ANKRD11: variants seen among roughly 807,000 people sequenced by gnomAD.
The protein encoded by ANKRD11 is ankyrin repeat domain-containing protein 11.
ANKRD11 carries 17 observed loss-of-function variants against 195.7 expected under a neutral mutation model. The observed-to-expected ratio is 0.09, with a 90% CI of 0.06 to 0.13. The LOEUF (loss-of-function observed/expected upper bound fraction) is 0.13, where lower values mean the gene tolerates loss of function less well. Among genes scored for constraint, ANKRD11 ranks in the 10% least tolerant of loss-of-function variants. The probability of loss-of-function intolerance (pLI) is 1.00; values close to 1 mark genes in which losing one functional copy is unlikely to be tolerated. For missense variants in ANKRD11, 3,735 were observed against 3,566.1 expected (o/e 1.05, Z -1.21); for synonymous variants, 1,953 against 1,528.1 (o/e 1.28, Z -6.49).
At chr16:89,480,449 C>G (rs1341044898) in intron 1 of ANKRD11, among the ~76,000 whole-genome samples, 1 of 151,748 alleles carries the variant, frequency 6.6e-6, no homozygotes, top group Non-Finnish European at 1.5e-5. Flanking sequence ...TGCACTCCAG[C>G]CTGGGCGACA....
intron 1 of ANKRD11, 50 bp from the exon 2 acceptor site, chr16:89,418,418 A>G: frequency 2.4e-6 from 1 of 421,116 alleles, no homozygotes; most frequent in South Asian, 1.6e-5. Flanking sequence ...TTTCAGCCTC[A>G]GTTCTTTCAT....
At chr16:89,278,650 G>A (rs778637227) in intron 9 of ANKRD11, 5 of 464,518 alleles carry the variant, frequency 1.1e-5, no homozygotes, top group Non-Finnish European at 1.7e-5. Context: ...GTGCAGGTAT[G>A]GAGGCTCAGG....
intron 2 of ANKRD11, among the ~76,000 whole-genome samples, chr16:89,329,941 G>C (rs759615120): frequency 6.6e-6 from 1 of 151,714 alleles, no homozygotes; most frequent in Non-Finnish European, 1.5e-5. Context: ...CGTGAGCAGA[G>C]ATCACACCAC....
chr16:89,369,868 C>T (rs1387815106), intron 2 of ANKRD11, among the ~76,000 whole-genome samples: 1 of 152,218 alleles, frequency 6.6e-6, no homozygotes, highest in Non-Finnish European at 1.5e-5. Flanking sequence ...CAAGGGACTG[C>T]TCCCTGTTCT....
At chr16:89,424,441 C>CA (rs35809345) in intron 1 of ANKRD11, among the ~76,000 whole-genome samples, 81,329 of 142,236 alleles carry the variant, frequency 0.57, 22,785 homozygotes, top group Middle Eastern at 0.74. Context: ...AACTCTGTCT[C>CA]AAAAAAAAAA....
At chr16:89,302,494 G>A (rs1461893048) in intron 4 of ANKRD11, among the ~76,000 whole-genome samples, 6 of 152,096 alleles carry the variant, frequency 3.9e-5, no homozygotes, top group Admixed American at 3.3e-4. Flanking sequence ...CTTGTGATCT[G>A]CCCGCCTCGG....
chr16:89,408,659 C>A (rs534022840), intron 2 of ANKRD11, among the ~76,000 whole-genome samples: 19 of 152,184 alleles, frequency 1.2e-4, no homozygotes, highest in South Asian at 1.2e-3. Flanking sequence ...CCTCCTCGCA[C>A]CCCCTGCCAC....
intron 2 of ANKRD11, among the ~76,000 whole-genome samples, chr16:89,332,925 T>C (rs1427874937): frequency 1.3e-5 from 2 of 152,218 alleles, no homozygotes; most frequent in Non-Finnish European, 2.9e-5. Context: ...AGAACGTAGT[T>C]ACAAACTCAA....
chr16:89,479,650 T>C (rs2057376796), intron 1 of ANKRD11, among the ~76,000 whole-genome samples: 1 of 135,738 alleles, frequency 7.4e-6, no homozygotes, highest in Admixed American at 7.4e-5. Context: ...AAAATTAAAT[T>C]AAATTTTAAA....
At chr16:89,464,762 G>A (rs1270971615) in intron 1 of ANKRD11, among the ~76,000 whole-genome samples, 2 of 152,140 alleles carry the variant, frequency 1.3e-5, no homozygotes, top group African/African-American at 4.8e-5. Flanking sequence ...AATAACTTAA[G>A]TTTAGAGAAA....
intron 3 of ANKRD11, 131 bp from the exon 4 acceptor site, chr16:89,305,475 C>A (rs776306901): frequency 2.1e-5 from 27 of 1,307,654 alleles, no homozygotes; most frequent in East Asian, 2.5e-5. Context: ...CACCCCAGGG[C>A]GTGGCTGTGT....
intron 4 of ANKRD11, chr16:89,301,757 C>T: frequency 2.5e-6 from 1 of 397,524 alleles, no homozygotes; most frequent in Non-Finnish European, 4.4e-6. Flanking sequence ...GGCTGATTCA[C>T]AACAGACAGA....
chr16:89,415,788 A>G (rs2042274910), intron 2 of ANKRD11, among the ~76,000 whole-genome samples: 1 of 139,318 alleles, frequency 7.2e-6, no homozygotes, highest in Non-Finnish European at 1.5e-5. Context: ...AGATTGCACC[A>G]CTACACTCCA....
At chr16:89,454,171 C>T (rs1399804101) in intron 1 of ANKRD11, among the ~76,000 whole-genome samples, 1 of 152,206 alleles carries the variant, frequency 6.6e-6, no homozygotes, top group Non-Finnish European at 1.5e-5. Flanking sequence ...GACAGCCGCG[C>T]CACAACCAAG....
intron 3 of ANKRD11, among the ~76,000 whole-genome samples, chr16:89,314,788 T>C (rs2151911762): frequency 6.6e-6 from 1 of 152,260 alleles, no homozygotes; most frequent in East Asian, 1.9e-4. Context: ...CAGGATCTCC[T>C]TTCCCCACAT....
intron 2 of ANKRD11, among the ~76,000 whole-genome samples, chr16:89,340,279 T>C (rs2038592360): frequency 6.6e-6 from 1 of 152,104 alleles, no homozygotes; most frequent in East Asian, 1.9e-4. Context: ...GTTGTAATTT[T>C]TGTTGTTGTT....
chr16:89,340,344 C>G (rs1182131799), intron 2 of ANKRD11, among the ~76,000 whole-genome samples: 1 of 152,262 alleles, frequency 6.6e-6, no homozygotes, highest in Non-Finnish European at 1.5e-5. Flanking sequence ...GTGGCACCAT[C>G]TCGGCTCACT....
intron 4 of ANKRD11, among the ~76,000 whole-genome samples, chr16:89,298,679 G>C (rs1200156699): frequency 1.3e-5 from 2 of 152,190 alleles, no homozygotes; most frequent in East Asian, 1.9e-4. Context: ...ACATGGGCCT[G>C]GCTACCGGCC....
intron 2 of ANKRD11, among the ~76,000 whole-genome samples, chr16:89,409,940 C>G (rs1171899571): frequency 6.6e-6 from 1 of 152,038 alleles, no homozygotes; most frequent in Non-Finnish European, 1.5e-5. Context: ...CCCGGGTTCA[C>G]GCCATTCTCC....
Sources: allele counts gnomAD v4.1 joint callset (sites outside exome capture counted in the v4.1 genomes callset), GRCh38; gene constraint gnomAD v4.1.1; transcripts MANE v1.5; gene names NCBI Gene and HGNC (gene_info 2026-07-23, HGNC 2026-07-21).